Variants in FKBP5 observed in about 807,000 individuals in gnomAD.
FKBP5 encodes the protein FKBP prolyl isomerase 5.
FKBP5 carries 23 observed loss-of-function variants against 50.5 expected under a neutral mutation model. That is an observed-to-expected ratio of 0.46 (90% CI 0.33 to 0.65). The LOEUF (loss-of-function observed/expected upper bound fraction) is 0.65, where lower values mean the gene tolerates loss of function less well. Ranked by LOEUF, FKBP5 falls within the 30% of genes least tolerant of loss-of-function variation. The pLI is 0.02. For missense variants in FKBP5, 411 were observed against 553.1 expected (o/e 0.74, Z 2.58); for synonymous variants, 176 against 190.6 (o/e 0.92, Z 0.63).
chr6:35,663,638 T>A (rs1436495715), intron 1 of FKBP5, among the ~76,000 whole-genome samples: 1 of 152,184 alleles, frequency 6.6e-6, no homozygotes, highest in Non-Finnish European at 1.5e-5. Flanking sequence ...CCATGTGCCC[T>A]TTCCTCAGTG....
At chr6:35,631,155 C>T (rs959846743) in intron 3 of FKBP5, among the ~76,000 whole-genome samples, 2 of 152,170 alleles carry the variant, frequency 1.3e-5, no homozygotes, top group African/African-American at 4.8e-5. Context: ...ATCGACAATA[C>T]TACGTGTTAA....
At chr6:35,664,030 G>A (rs1765148086) in intron 1 of FKBP5, among the ~76,000 whole-genome samples, 1 of 152,174 alleles carries the variant, frequency 6.6e-6, no homozygotes, top group Admixed American at 6.5e-5. Context: ...TCTGGAGCCT[G>A]CACTCTAACT....
At chr6:35,599,146 A>G (rs1157650021) in intron 5 of FKBP5, among the ~76,000 whole-genome samples, 1 of 152,120 alleles carries the variant, frequency 6.6e-6, no homozygotes, top group Non-Finnish European at 1.5e-5. Context: ...GAGACTAAAA[A>G]TCACTCGTTC....
chr6:35,649,433 G>GTTT lies in FKBP5; in HGVS notation c.-19-6593_-19-6591dup, dbSNP rs11414221. ...TTATGAGTAAGTATTTGGCTAAAAG[G>GTTT]TTTTTTTTTTTTAAAGAAAAAAAAT... On this transcript the variant is annotated intron_variant, in intron 1 of 10. Transcript: ENST00000357266. Among the ~76,000 whole-genome samples the GTTT allele has an allele frequency of 3.0e-4, 44 of 147,464 alleles. 1 individual carries two copies. Among genetic ancestry groups the GTTT allele is most frequent in the African/African-American group, 1.1e-3 (43 of 40,290 alleles).
chr6:35,698,200 G>A (rs1581892875), intron 2 of FKBP5, among the ~76,000 whole-genome samples: 1 of 152,280 alleles, frequency 6.6e-6, no homozygotes, highest in East Asian at 1.9e-4. Flanking sequence ...AAATTAGCCA[G>A]GCGTGGTGCC....
At chr6:35,623,451 A>G (rs745787099) in intron 3 of FKBP5, among the ~76,000 whole-genome samples, 12 of 152,216 alleles carry the variant, frequency 7.9e-5, no homozygotes, top group Non-Finnish European at 1.8e-4. Context: ...CTACTTGTCC[A>G]TGTATGTTTG....
intron 1 of FKBP5, among the ~76,000 whole-genome samples, chr6:35,667,339 T>G (rs907164600): frequency 6.6e-6 from 1 of 152,148 alleles, no homozygotes; most frequent in African/African-American, 2.4e-5. Flanking sequence ...CAGAAAGGCC[T>G]TTTGGACTCC....
chr6:35,683,658 T>A (rs894186781), intron 1 of FKBP5, among the ~76,000 whole-genome samples: 9 of 148,500 alleles, frequency 6.1e-5, no homozygotes, highest in African/African-American at 1.7e-4. Context: ...TTTTTTTTTT[T>A]AGTAGAGATG....
At chr6:35,727,683 C>A (rs1766743411) in intron 1 of FKBP5, among the ~76,000 whole-genome samples, 1 of 152,356 alleles carries the variant, frequency 6.6e-6, no homozygotes, top group Middle Eastern at 3.4e-3. Flanking sequence ...CACGTGACTG[C>A]GTCCCAGGTC....
intron 5 of FKBP5, among the ~76,000 whole-genome samples, 167 bp from the exon 6 acceptor site, chr6:35,597,571 G>A (rs919514466): frequency 2.6e-5 from 4 of 152,176 alleles, no homozygotes; most frequent in Admixed American, 6.5e-5. Context: ...TACCCAGTCT[G>A]AAAGTTTAGG....
chr6:35,651,043 T>A (rs1048727705), intron 1 of FKBP5, among the ~76,000 whole-genome samples: 1 of 152,142 alleles, frequency 6.6e-6, no homozygotes, highest in Non-Finnish European at 1.5e-5. Flanking sequence ...GACAGATGGA[T>A]TTTCAAGATG....
At chr6:35,666,335 C>T (rs543568568) in intron 1 of FKBP5, among the ~76,000 whole-genome samples, 2 of 129,220 alleles carry the variant, frequency 1.5e-5, no homozygotes, top group Non-Finnish European at 3.1e-5. Context: ...CAGGAAATAA[C>T]CTGTAGATAT....
intron 1 of FKBP5, among the ~76,000 whole-genome samples, chr6:35,669,419 T>G (rs1175253571): frequency 7.2e-5 from 11 of 152,252 alleles, no homozygotes; most frequent in Non-Finnish European, 8.8e-5. Context: ...GCATCTGATA[T>G]GAATCCTTAA....
chr6:35,687,994 T>C (rs1377013594), intron 1 of FKBP5, among the ~76,000 whole-genome samples: 1 of 152,244 alleles, frequency 6.6e-6, no homozygotes, highest in African/African-American at 2.4e-5. Flanking sequence ...GGACGACCAA[T>C]AAGGCGGAAG....
Position 35,575,730 on chromosome 6 carries a change from A to C in FKBP5, c.*105T>G. The C allele has an allele frequency of 1.2e-6, 1 of 827,130 alleles. No individual in the cohort carries two copies. Among genetic ancestry groups the C allele is most frequent in the South Asian group, 1.4e-5 (1 of 69,058 alleles). 51.2% of individuals were successfully genotyped at this position (827,130 alleles called of 1,614,324 possible). A position where few individuals can be genotyped will look rare whatever the true frequency, so the allele number is the denominator to read the frequency against. On this transcript the variant is annotated 3_prime_UTR_variant, in exon 11 of 11. Transcript: ENST00000357266. ...TTGCCATTTGCTTCCAGAATCACAT[A>C]GACTATAACAAACTTTACATTAAAC...
chr6:35,707,496 C>T (rs1224333078), intron 2 of FKBP5, among the ~76,000 whole-genome samples: 1 of 152,052 alleles, frequency 6.6e-6, no homozygotes, highest in African/African-American at 2.4e-5. Context: ...GCTGGGATTA[C>T]AGGCGTGAGC....
intron 5 of FKBP5, among the ~76,000 whole-genome samples, chr6:35,609,340 C>T (rs985980370): frequency 3.9e-5 from 6 of 152,030 alleles, no homozygotes; most frequent in Non-Finnish European, 7.4e-5. Flanking sequence ...GGGCTGAGTA[C>T]GGAATTCTAG....
At chr6:35,707,332 T>C (rs1766336898) in intron 2 of FKBP5, among the ~76,000 whole-genome samples, 1 of 150,584 alleles carries the variant, frequency 6.6e-6, no homozygotes, top group Non-Finnish European at 1.5e-5. Context: ...TTCTCCTGCC[T>C]CAGCCTCCCG....
chr6:35,607,261 C>T lies in FKBP5; in HGVS notation c.509-9857G>A, dbSNP rs141686434. Among the ~76,000 whole-genome samples the T allele has an allele frequency of 1.8e-3, 272 of 152,054 alleles. 1 individual carries two copies. The highest frequency in any genetic ancestry group is 0.017 in the Middle Eastern group (5 of 292). Reference sequence around the variant, plus strand: ...CCTGTTTTGTTTTGAGACAGGGTCTCGCTTTGTTGCCCAGGTTAGACTGCA... The same window carrying T: ...CCTGTTTTGTTTTGAGACAGGGTCTTGCTTTGTTGCCCAGGTTAGACTGCA... On this transcript the variant is annotated intron_variant, in intron 5 of 10. Transcript: ENST00000357266.
Sources: allele counts gnomAD v4.1 joint callset (sites outside exome capture counted in the v4.1 genomes callset), GRCh38; gene constraint gnomAD v4.1.1; transcripts MANE v1.5; gene names NCBI Gene and HGNC (gene_info 2026-07-23, HGNC 2026-07-21).